Variants in SPHKAP observed in about 807,000 individuals in gnomAD.
SPHKAP encodes the protein SPHK1 interactor, AKAP domain containing, also known as A-kinase anchor protein SPHKAP.
A neutral mutation model predicts 137.5 loss-of-function variants in SPHKAP; 67 were observed. The observed-to-expected ratio is 0.49, with a 90% CI of 0.40 to 0.60. SPHKAP has a LOEUF of 0.60. Among genes scored for constraint, SPHKAP ranks in the 20% least tolerant of loss-of-function variants. The pLI is 0.00. For synonymous variants in SPHKAP, 813 were observed against 785.3 expected, an observed-to-expected ratio of 1.04 and a Z score of -0.59; for missense variants, 2,097 against 2,069.3, an observed-to-expected ratio of 1.01 and a Z score of -0.26.
At chr2:228,025,344 G>C in intron 5 of SPHKAP, 50 bp downstream of exon 5, 1 of 1,605,154 alleles carries the variant, frequency 6.2e-7, no homozygotes, top group Non-Finnish European at 8.5e-7. Context: ...GATCTGTGCT[G>C]AGCTAACTAT....
At chr2:228,111,701 T>C (rs1698522803) in intron 2 of SPHKAP, among the ~76,000 whole-genome samples, 1 of 152,154 alleles carries the variant, frequency 6.6e-6, no homozygotes, top group African/African-American at 2.4e-5. Flanking sequence ...TAGGAATTAT[T>C]ATAAAGATAC....
intron 1 of SPHKAP, among the ~76,000 whole-genome samples, chr2:228,169,125 A>G (rs952437007): frequency 6.6e-6 from 1 of 152,166 alleles, no homozygotes; most frequent in African/African-American, 2.4e-5. Flanking sequence ...AACGAAAGAA[A>G]CTGTCTCCAT....
chr2:228,168,496 G>C (rs2106423930), intron 1 of SPHKAP, among the ~76,000 whole-genome samples: 1 of 152,258 alleles, frequency 6.6e-6, no homozygotes, highest in South Asian at 2.1e-4. Flanking sequence ...ATGGTGATCT[G>C]TGATTAGTGA....
chr2:228,023,743 C>A (rs1478463820), intron 5 of SPHKAP, among the ~76,000 whole-genome samples: 2 of 152,214 alleles, frequency 1.3e-5, no homozygotes, highest in Non-Finnish European at 2.9e-5. Flanking sequence ...GCACACTATA[C>A]TATCAGTGAG....
At chr2:228,124,163 G>C (rs988106229) in intron 2 of SPHKAP, among the ~76,000 whole-genome samples, 2 of 152,176 alleles carry the variant, frequency 1.3e-5, no homozygotes, top group African/African-American at 4.8e-5. Context: ...AACCATTGTG[G>C]AAGTCAGTGT....
chr2:228,019,457 C>T lies in SPHKAP; in HGVS notation c.1397G>A (p.Gly466Asp), dbSNP rs144060394. Residue 466 changes from glycine to aspartate, a missense_variant, in exon 7 of 12, where the codon GGC becomes GAC. Transcript: ENST00000392056. ...PDGSDAAPQP[G>D]ISSWPEMEVS... ...TTCCATCTCAGGCCAGGAGGAGATG[C>T]CTGGCTGTGGGGCAGCATCACTGCC... The T allele has an allele frequency of 2.6e-5, 42 of 1,614,012 alleles. No homozygotes were observed. The African/African-American group carries it at 4.7e-4, about 18-fold the overall frequency.
intron 3 of SPHKAP, among the ~76,000 whole-genome samples, chr2:228,041,919 T>C (rs1695867869): frequency 6.6e-6 from 1 of 152,068 alleles, no homozygotes; most frequent in Admixed American, 6.6e-5. Context: ...CAGGTGAGTC[T>C]TAGAAACAGA....
chr2:228,092,220 C>T (rs895441803), intron 3 of SPHKAP, among the ~76,000 whole-genome samples: 2 of 144,820 alleles, frequency 1.4e-5, no homozygotes, highest in African/African-American at 2.5e-5. Flanking sequence ...TATATACACA[C>T]ATATATACAC....
intron 1 of SPHKAP, among the ~76,000 whole-genome samples, chr2:228,177,442 A>T (rs1366450116): frequency 6.6e-6 from 1 of 152,186 alleles, no homozygotes; most frequent in African/African-American, 2.4e-5. Context: ...CAGAGAATGA[A>T]GTTAAGTGTA....
intron 1 of SPHKAP, among the ~76,000 whole-genome samples, chr2:228,168,756 C>A (rs960668046): frequency 3.3e-5 from 5 of 152,084 alleles, no homozygotes; most frequent in African/African-American, 9.7e-5. Flanking sequence ...CACCTTACAT[C>A]TAAAACTGGG....
chr2:228,127,586 T>C (rs1472910054), intron 2 of SPHKAP, among the ~76,000 whole-genome samples: 1 of 152,212 alleles, frequency 6.6e-6, no homozygotes, highest in African/African-American at 2.4e-5. Flanking sequence ...TCTTCACTAA[T>C]TTGCAGCAGC....
intron 7 of SPHKAP, among the ~76,000 whole-genome samples, chr2:228,006,291 G>T (rs1694127549): frequency 6.6e-6 from 1 of 151,832 alleles, no homozygotes; most frequent in Non-Finnish European, 1.5e-5. Flanking sequence ...TCATTCATTT[G>T]ATCTTCAGTC....
intron 3 of SPHKAP, among the ~76,000 whole-genome samples, chr2:228,035,281 A>G (rs1361108149): frequency 6.6e-6 from 1 of 150,836 alleles, no homozygotes; most frequent in Non-Finnish European, 1.5e-5. Context: ...CCCATTCACA[A>G]CTGCTTCAAA....
At position 228,161,694 on chromosome 2, in the gene SPHKAP, A is replaced by G. The variant is rs1017803495; in HGVS notation, c.32+19873T>C. 2.1e-5 allele frequency among the ~76,000 whole-genome samples: 3 copies of G among 142,928 alleles called. No individual in the cohort carries two copies. The Admixed American group carries it at 2.2e-4, about 11-fold the overall frequency. The allele number at this position is 142,928 out of a possible 152,430, so 93.8% of individuals were successfully genotyped here. ...GCATGTCCTGCACGTGCACCTTGGA[A>G]CTAAAAATAGAACAAAATAAAATAA... On this transcript the variant is annotated intron_variant, in intron 1 of 11. Transcript: ENST00000392056.
Position 227,995,621 on chromosome 2 carries a change from T to C in SPHKAP, c.4522A>G (p.Asn1508Asp). 1 of 1,613,896 alleles carries C rather than the reference T, an allele frequency of 6.2e-7. No individual in the cohort carries two copies. Among genetic ancestry groups the C allele is most frequent in the Non-Finnish European group, 8.5e-7 (1 of 1,179,960 alleles). ...TEARAPDEAP[N>D]PPSSSEESTG... ...CTCTCCTCGCTGCTGCTTGGAGGGTTGGGGGCCTCATCGGGGGCTCTGGCT... is the reference window on the plus strand; with the variant it reads ...CTCTCCTCGCTGCTGCTTGGAGGGTCGGGGGCCTCATCGGGGGCTCTGGCT... The change falls in exon 8 of 12, where the codon AAC becomes GAC. Residue 1508 changes from asparagine to aspartate, a missense_variant. Transcript: ENST00000392056.
chr2:228,032,420 C>T (rs746063722), intron 3 of SPHKAP, among the ~76,000 whole-genome samples: 18 of 152,126 alleles, frequency 1.2e-4, no homozygotes, highest in Non-Finnish European at 2.4e-4. Flanking sequence ...GTACCTGAAA[C>T]TGACGGGGAG....
At chr2:228,070,238 A>G (rs1226965459) in intron 3 of SPHKAP, among the ~76,000 whole-genome samples, 1 of 152,228 alleles carries the variant, frequency 6.6e-6, no homozygotes, top group Non-Finnish European at 1.5e-5. Flanking sequence ...GTAATGATTC[A>G]TATAATAAAA....
rs771332747 is a variant in SPHKAP, at chr2:228,021,791, G to A, written c.617C>T (p.Ser206Phe). The A allele has an allele frequency of 3.1e-6, 5 of 1,614,126 alleles. No individual in the cohort carries two copies. The highest frequency in any genetic ancestry group is 1.1e-5 in the South Asian group (1 of 91,070). ...AAAGTCTTCCTCGATTGAAGATAAG[G>A]AACAGTTCGTGTCATCCTCCAGTTT... ...ILKLEDDTNC[S>F]LSSIEEDFLT... is the part of the protein sequence containing the mutation. The change falls in exon 6 of 12, where the codon TCC becomes TTC. Residue 206 changes from serine to phenylalanine, a missense_variant. Ser to Phe is a radical substitution (Grantham distance 155, BLOSUM62 -2). Coordinates refer to ENST00000392056, the MANE Select transcript of SPHKAP (RefSeq NM_001142644.2).
intron 3 of SPHKAP, among the ~76,000 whole-genome samples, chr2:228,088,124 T>C (rs575592945): frequency 1.2e-4 from 19 of 152,120 alleles, no homozygotes; most frequent in Admixed American, 6.5e-4. Flanking sequence ...TAAAATAAAA[T>C]CACAAGAAAA....
Sources: allele counts gnomAD v4.1 joint callset (sites outside exome capture counted in the v4.1 genomes callset), GRCh38; gene constraint gnomAD v4.1.1; transcripts MANE v1.5; gene names NCBI Gene and HGNC (gene_info 2026-07-23, HGNC 2026-07-21).